Variants in PARM1 observed in about 807,000 individuals in gnomAD.
The protein encoded by PARM1 is WSC4, cell wall integrity and stress response component 4 homolog.
A neutral mutation model predicts 24.6 loss-of-function variants in PARM1; 14 were observed. That is an observed-to-expected ratio of 0.57 (90% confidence interval 0.38 to 0.89). The LOEUF (loss-of-function observed/expected upper bound fraction) is 0.89. PARM1 is among the 40% of genes least tolerant of loss of function. The probability of loss-of-function intolerance (pLI) is 0.00; values close to 1 mark genes in which losing one functional copy is unlikely to be tolerated. For missense variants in PARM1, 362 were observed against 380.4 expected, an observed-to-expected ratio of 0.95 and a Z score of 0.40; for synonymous variants, 179 against 156.6, an observed-to-expected ratio of 1.14 and a Z score of -1.07.
chr4:74,951,547 G>A (rs530240367), intron 1 of PARM1, among the ~76,000 whole-genome samples: 10 of 152,114 alleles, frequency 6.6e-5, no homozygotes, highest in South Asian at 2.1e-4. Context: ...CCATCAACCC[G>A]TCATCTTCAT....
rs74840346 is a variant in PARM1, at chr4:74,962,415, T to C, written c.43+29045T>C. On this transcript the variant is annotated intron_variant, in intron 1 of 3. Transcript: ENST00000307428. ...GGAACAAAAAAAGCTATAAGGAATA[T>C]AGAATAGAAATAAAATGACAGAAGT... Among the ~76,000 whole-genome samples, 88 of 152,176 alleles carry C rather than the reference T, an allele frequency of 5.8e-4. 1 individual carries two copies. The East Asian group carries it at 0.015, about 26-fold the overall frequency.
chr4:74,946,283 G>C (rs1170277132), intron 1 of PARM1, among the ~76,000 whole-genome samples: 1 of 152,130 alleles, frequency 6.6e-6, no homozygotes, highest in Non-Finnish European at 1.5e-5. Flanking sequence ...TACCAAATCA[G>C]TTGCTAAATT....
At chr4:74,943,863 G>A (rs150011939) in intron 1 of PARM1, among the ~76,000 whole-genome samples, 1 of 152,350 alleles carries the variant, frequency 6.6e-6, no homozygotes, top group African/African-American at 2.4e-5. Flanking sequence ...ATGATGAATG[G>A]TAAAGTTATA....
intron 1 of PARM1, among the ~76,000 whole-genome samples, chr4:74,977,602 G>A (rs144813941): frequency 1.3e-5 from 2 of 152,176 alleles, no homozygotes; most frequent in Admixed American, 1.3e-4. Context: ...TTCAAATCCT[G>A]GAAATTCAGA....
intron 3 of PARM1, among the ~76,000 whole-genome samples, chr4:75,045,431 A>C (rs1260546432): frequency 5.3e-5 from 8 of 152,212 alleles, no homozygotes; most frequent in Admixed American, 4.6e-4. Context: ...ATATATTATT[A>C]ATTATGCAAG....
intron 2 of PARM1, among the ~76,000 whole-genome samples, chr4:75,023,821 T>A (rs1342110690): frequency 2.0e-5 from 3 of 152,184 alleles, no homozygotes; most frequent in African/African-American, 7.2e-5. Context: ...CTGGGTCCCA[T>A]CTGCCCCTGA....
At chr4:75,042,594 T>C (rs1441159616) in intron 3 of PARM1, among the ~76,000 whole-genome samples, 2 of 152,020 alleles carry the variant, frequency 1.3e-5, no homozygotes, top group Admixed American at 6.5e-5. Flanking sequence ...TTTTTTTTTT[T>C]AACCTCATAC....
At chr4:74,942,815 G>A (rs1451242980) in intron 1 of PARM1, among the ~76,000 whole-genome samples, 1 of 152,120 alleles carries the variant, frequency 6.6e-6, no homozygotes, top group African/African-American at 2.4e-5. Flanking sequence ...TAGCAACAGC[G>A]AATTCATTGG....
At chr4:74,956,422 A>G (rs1050793544) in intron 1 of PARM1, 1 of 152,222 alleles carries the variant, frequency 6.6e-6, no homozygotes, top group African/African-American at 2.4e-5. Context: ...GATAAACTAT[A>G]TTCTTTGGAG....
At chr4:74,955,927 A>G (rs1721621102) in intron 1 of PARM1, 1 of 152,250 alleles carries the variant, frequency 6.6e-6, no homozygotes, top group African/African-American at 2.4e-5. Context: ...TATGTTTGCA[A>G]AGGTCTCCAA....
At chr4:75,024,021 C>T (rs1723134793) in intron 2 of PARM1, among the ~76,000 whole-genome samples, 3 of 152,126 alleles carry the variant, frequency 2.0e-5, no homozygotes, top group African/African-American at 7.2e-5. Flanking sequence ...CCTGTAATCC[C>T]AGCACTTTGG....
chr4:74,989,734 C>A (rs1247341970), intron 1 of PARM1, among the ~76,000 whole-genome samples: 1 of 152,134 alleles, frequency 6.6e-6, no homozygotes, highest in Non-Finnish European at 1.5e-5. Flanking sequence ...TTTTGGTAAC[C>A]AGTCCCCATC....
At chr4:74,963,977 T>G (rs1263917056) in intron 1 of PARM1, among the ~76,000 whole-genome samples, 1 of 152,230 alleles carries the variant, frequency 6.6e-6, no homozygotes, top group Non-Finnish European at 1.5e-5. Context: ...GTACCTGATC[T>G]ACACAAATGT....
chr4:75,015,998 G>A (rs966304146), intron 2 of PARM1, among the ~76,000 whole-genome samples: 5 of 152,178 alleles, frequency 3.3e-5, no homozygotes, highest in African/African-American at 9.7e-5. Flanking sequence ...GTCTCATTCT[G>A]TGTGGGTTCA....
At chr4:74,990,105 G>A (rs980610404) in intron 1 of PARM1, among the ~76,000 whole-genome samples, 1 of 152,152 alleles carries the variant, frequency 6.6e-6, no homozygotes, top group Non-Finnish European at 1.5e-5. Flanking sequence ...CATCATAGAT[G>A]ATTCCTGAGC....
chr4:74,996,013 G>T (rs552909475), intron 1 of PARM1, among the ~76,000 whole-genome samples: 12 of 152,030 alleles, frequency 7.9e-5, no homozygotes, highest in Admixed American at 3.9e-4. Flanking sequence ...TGGGATTTTT[G>T]ACATAATGCT....
chr4:75,014,227 A>C (rs1292591667), intron 2 of PARM1, among the ~76,000 whole-genome samples: 1 of 152,204 alleles, frequency 6.6e-6, no homozygotes, highest in Non-Finnish European at 1.5e-5. Flanking sequence ...GTAGGAAGAG[A>C]TAGAACTAAG....
At chr4:75,038,157 C>T (rs962781091) in intron 3 of PARM1, among the ~76,000 whole-genome samples, 3 of 152,138 alleles carry the variant, frequency 2.0e-5, no homozygotes, top group African/African-American at 4.8e-5. Flanking sequence ...CCTGGTGATC[C>T]GCCCACCTTG....
Position 74,964,441 on chromosome 4 carries a change from T to G in PARM1, c.43+31071T>G, listed in dbSNP as rs560286149. On this transcript the variant is annotated intron_variant, in intron 1 of 3. Coordinates refer to ENST00000307428, the MANE Select transcript of PARM1 (RefSeq NM_015393.4). The stretch of plus-strand genomic sequence containing the variant: ...GTACTTTTCCTCTTTTTAGCCAGTT[T>G]AGCTAATGCTTACTCAAGTCTTCAG... 8.5e-5 allele frequency among the ~76,000 whole-genome samples: 13 copies of G among 152,346 alleles called. No individual in the cohort carries two copies. The South Asian group carries it at 2.7e-3, about 32-fold the overall frequency.
Sources: allele counts gnomAD v4.1 joint callset (sites outside exome capture counted in the v4.1 genomes callset), GRCh38; gene constraint gnomAD v4.1.1; transcripts MANE v1.5; gene names NCBI Gene and HGNC (gene_info 2026-07-23, HGNC 2026-07-21).